Variants in FAM227B observed in about 807,000 individuals in gnomAD.
The protein encoded by FAM227B is family with sequence similarity 227 member B, also known as protein FAM227B.
In FAM227B, 88 loss-of-function variants were observed where a neutral mutation model predicts 73.8. The ratio of observed to expected loss-of-function variants is 1.19; its 90% CI spans 1.00 to 1.42. The LOEUF (loss-of-function observed/expected upper bound fraction) is 1.42, where lower values mean the gene tolerates loss of function less well. Ranked by LOEUF, FAM227B falls within the 40% of genes most tolerant of loss-of-function variation. The probability of loss-of-function intolerance (pLI) is 0.00; values close to 1 mark genes in which losing one functional copy is unlikely to be tolerated. For synonymous variants in FAM227B, 210 were observed against 190.5 expected, an observed-to-expected ratio of 1.10 and a Z score of -0.84; for missense variants, 632 against 590.9, an observed-to-expected ratio of 1.07 and a Z score of -0.72.
At chr15:49,425,935 A>G (rs1263331186) in intron 11 of FAM227B, among the ~76,000 whole-genome samples, 2 of 151,674 alleles carry the variant, frequency 1.3e-5, no homozygotes, top group Non-Finnish European at 2.9e-5. Flanking sequence ...ATCTACTTCT[A>G]TATAAGCAAC....
At chr15:49,422,641 G>GGTTAC (rs2049784432) in intron 11 of FAM227B, 1 of 1,096,722 alleles carries the variant, frequency 9.1e-7, no homozygotes, top group Non-Finnish European at 1.3e-6. Context: ...TGGAACAGCA[G>GGTTAC]GTAACTTGCC....
chr15:49,367,398 A>G (rs1264675309), intron 13 of FAM227B, 50 bp downstream of exon 13: 2 of 1,442,900 alleles, frequency 1.4e-6, no homozygotes, highest in East Asian at 2.4e-5. Context: ...AATGTTTTGA[A>G]TATTATTTTT....
In FAM227B at chr15:49,422,492, T is replaced by A. The variant is rs1464735782; in HGVS notation, c.1013-51093A>T. Reference sequence around the variant, plus strand: ...CAATGTGAAACCATTTCCTCCTTTTTAAAGAATAACAGCTTTTAAAAGTAG... The same window carrying A: ...CAATGTGAAACCATTTCCTCCTTTTAAAAGAATAACAGCTTTTAAAAGTAG... On this transcript the variant is annotated intron_variant, in intron 11 of 15. Coordinates refer to ENST00000299338, the MANE Select transcript of FAM227B (RefSeq NM_152647.3). 4.4e-5 allele frequency: 55 copies of A among 1,262,220 alleles called. No homozygotes were observed. In the Admixed American group the frequency reaches 5.1e-4, roughly 12 times the overall value. The allele number at this position is 1,262,220 out of a possible 1,614,324, so 78.2% of individuals were successfully genotyped here.
In FAM227B at chr15:49,335,461, T is replaced by C; in HGVS notation, c.1307A>G (p.Glu436Gly). ...PAPTYRDVIKEAKRQFARNQK... is the reference protein window; with the variant it reads ...PAPTYRDVIKGAKRQFARNQK... ...GTTCCTTGCAAATTGTCTTTTTGCC[T>C]CCTTTATAACATCACGGTATGTTGG... Residue 436 changes from glutamate (E) to glycine (G), a missense_variant, in exon 14 of 16, where the codon GAG becomes GGG. By Grantham distance (98) the Glu-to-Gly change is moderately conservative (BLOSUM62 -2). Coordinates refer to ENST00000299338, the MANE Select transcript of FAM227B (RefSeq NM_152647.3). 2 of 1,613,700 alleles carry C rather than the reference T, an allele frequency of 1.2e-6. No homozygotes were observed. Among genetic ancestry groups the C allele is most frequent in the Non-Finnish European group, 1.7e-6 (2 of 1,179,628 alleles).
At chr15:49,396,722 C>A (rs1016372627) in intron 11 of FAM227B, among the ~76,000 whole-genome samples, 38 of 149,446 alleles carry the variant, frequency 2.5e-4, no homozygotes, top group Non-Finnish European at 4.7e-4. Context: ...GGGAGGCACC[C>A]CCCAGCAGGG....
chr15:49,366,053 T>C, intron 13 of FAM227B: 1 of 816,468 alleles, frequency 1.2e-6, no homozygotes, highest in East Asian at 2.4e-5. Flanking sequence ...TCTTCCTTTT[T>C]TTTCCCTCAT....
intron 9 of FAM227B, among the ~76,000 whole-genome samples, chr15:49,560,725 A>T (rs1326812766): frequency 6.6e-6 from 1 of 152,206 alleles, no homozygotes. Flanking sequence ...GTCTATTTTC[A>T]GCACTGTCAA....
intron 11 of FAM227B, among the ~76,000 whole-genome samples, chr15:49,497,176 T>G (rs553185929): frequency 1.3e-5 from 2 of 152,354 alleles, no homozygotes; most frequent in South Asian, 4.1e-4. Flanking sequence ...TTGTATGACC[T>G]GCTCAAAGAC....
chr15:49,411,756 A>G (rs977988399), intron 11 of FAM227B, among the ~76,000 whole-genome samples: 1 of 152,096 alleles, frequency 6.6e-6, no homozygotes, highest in Non-Finnish European at 1.5e-5. Flanking sequence ...AAGTTCTTAT[A>G]TTTGGAATCT....
rs566154185 is a variant in FAM227B at position 49,420,229 on chromosome 15, A to T, written c.1013-48830T>A. ...AAAATGACATATTTTGTCTTTATTC[A>T]TTACAGCATTTCTTTGGTAATAGAA... On this transcript the variant is annotated intron_variant, in intron 11 of 15. Coordinates refer to ENST00000299338, the MANE Select transcript of FAM227B (RefSeq NM_152647.3). Among the ~76,000 whole-genome samples the T allele has an allele frequency of 9.4e-4, 143 of 152,252 alleles. 5 individuals carry two copies. In the South Asian group the frequency reaches 0.027, roughly 29 times the overall value.
chr15:49,400,560 AG>A lies in FAM227B; in HGVS notation c.1013-29162del, dbSNP rs1371060430. On this transcript the variant is annotated intron_variant, in intron 11 of 15. Transcript: ENST00000299338. ...ATTGCCAAGTCAATCCTAAGCCAAA[AG>A]AACAAAGCTGGAGGCATCACACTAC... 2.7e-5 allele frequency among the ~76,000 whole-genome samples: 2 copies of A among 73,752 alleles called. 1 individual carries two copies. The highest frequency in any genetic ancestry group is 1.3e-4 in the African/African-American group (2 of 15,502). The allele number at this position is 73,752 out of a possible 152,430, so 48.4% of individuals were successfully genotyped here.
intron 11 of FAM227B, among the ~76,000 whole-genome samples, chr15:49,420,717 T>A (rs1799446602): frequency 6.6e-6 from 1 of 152,182 alleles, no homozygotes; most frequent in Non-Finnish European, 1.5e-5. Flanking sequence ...GTTTTGTTTT[T>A]CTTTTTCAGA....
At chr15:49,608,255 G>T (rs183778110) in intron 3 of FAM227B, among the ~76,000 whole-genome samples, 1 of 152,176 alleles carries the variant, frequency 6.6e-6, no homozygotes, top group East Asian at 1.9e-4. Context: ...TTTAAAACAG[G>T]GTCAGTGAAG....
chr15:49,544,054 T>C (rs753391765), intron 9 of FAM227B, among the ~76,000 whole-genome samples: 3 of 152,188 alleles, frequency 2.0e-5, no homozygotes, highest in East Asian at 1.9e-4. Context: ...TTTATGGGAA[T>C]TGCACTGAAT....
At chr15:49,605,544 T>C (rs1247473691) in intron 3 of FAM227B, among the ~76,000 whole-genome samples, 2 of 151,718 alleles carry the variant, frequency 1.3e-5, no homozygotes, top group Non-Finnish European at 2.9e-5. Context: ...GCCTCGAATC[T>C]GTTTTGGGGG....
intron 13 of FAM227B, among the ~76,000 whole-genome samples, chr15:49,347,429 T>G (rs1408579834): frequency 6.6e-6 from 1 of 152,172 alleles, no homozygotes; most frequent in Non-Finnish European, 1.5e-5. Context: ...TACTATAGCA[T>G]TCTATGTATA....
At position 49,465,851 on chromosome 15, in the gene FAM227B, TAAC is replaced by T. The variant is rs2054221488; in HGVS notation, c.1012+42357_1012+42359del. ...TGTTAATTCTTTAATCTTGGAATAATAACAATCATATGCCAACTTATAATTTGA... is the reference window on the plus strand; with the variant it reads ...TGTTAATTCTTTAATCTTGGAATAATAATCATATGCCAACTTATAATTTGA... On this transcript the variant is annotated intron_variant, in intron 11 of 15. Coordinates refer to ENST00000299338, the MANE Select transcript of FAM227B (RefSeq NM_152647.3). Among the ~76,000 whole-genome samples, 7 of 152,320 alleles carry T rather than the reference TAAC, an allele frequency of 4.6e-5. No individual in the cohort carries two copies. In the South Asian group the frequency reaches 1.5e-3, roughly 32 times the overall value.
chr15:49,366,032 A>G (rs1462345514), intron 13 of FAM227B: 1 of 806,092 alleles, frequency 1.2e-6, no homozygotes, highest in Non-Finnish European at 2.3e-6. Flanking sequence ...AGAGGACTAA[A>G]AGTTAGATAT....
intron 11 of FAM227B, chr15:49,489,060 T>C (rs1181327855): frequency 6.3e-6 from 1 of 158,302 alleles, no homozygotes. Flanking sequence ...GTACCCAAAA[T>C]GGAAGCCACA....
Sources: allele counts gnomAD v4.1 joint callset (sites outside exome capture counted in the v4.1 genomes callset), GRCh38; gene constraint gnomAD v4.1.1; transcripts MANE v1.5; gene names NCBI Gene and HGNC (gene_info 2026-07-23, HGNC 2026-07-21).